The following TAS2R1 variants were observed in gnomAD, a reference collection of about 807,000 sequenced individuals.
TAS2R1 encodes the protein taste 2 receptor member 1.
For missense variants in TAS2R1, 370 were observed against 353.4 expected (o/e 1.05, Z -0.38); for synonymous variants, 141 against 134.2 (o/e 1.05, Z -0.35).
chr5:9,652,004 T>C (rs1740315580), intron 2 of TAS2R1, among the ~76,000 whole-genome samples: 1 of 152,176 alleles, frequency 6.6e-6, no homozygotes, highest in Admixed American at 6.5e-5. Flanking sequence ...TCTGCATGAG[T>C]GTCAGAAGGA....
chr5:9,641,466 T>C (rs1054307340), intron 2 of TAS2R1: 1 of 152,206 alleles, frequency 6.6e-6, no homozygotes, highest in East Asian at 1.9e-4. Flanking sequence ...CTGCCAAAGA[T>C]TCACCGTTCC....
upstream of TAS2R1, among the ~76,000 whole-genome samples, chr5:9,717,039 C>T (rs995589973): frequency 2.0e-5 from 3 of 152,118 alleles, no homozygotes; most frequent in Non-Finnish European, 4.4e-5. Flanking sequence ...TGCTAAGAGC[C>T]TGTGGATGCA....
the TAS2R1 span, among the ~76,000 whole-genome samples, chr5:9,880,026 C>T: frequency 6.6e-6 from 1 of 152,140 alleles, no homozygotes; most frequent in African/African-American, 2.4e-5. Flanking sequence ...TTACAAGCCC[C>T]TGAAGAAGCC....
chr5:9,678,213 A>G (rs1004103315), intron 1 of TAS2R1, among the ~76,000 whole-genome samples: 5 of 152,216 alleles, frequency 3.3e-5, no homozygotes, highest in Non-Finnish European at 7.3e-5. Flanking sequence ...AGAGAATGCA[A>G]ATCAAAACCA....
At chr5:9,822,227 G>A in the TAS2R1 span, among the ~76,000 whole-genome samples, 1 of 151,974 alleles carries the variant, frequency 6.6e-6, no homozygotes, top group Admixed American at 6.6e-5. Flanking sequence ...ATTATCAGAT[G>A]TCACTGTTCT....
chr5:9,683,648 C>A (rs1741070883), intron 1 of TAS2R1, among the ~76,000 whole-genome samples: 1 of 152,226 alleles, frequency 6.6e-6, no homozygotes, highest in African/African-American at 2.4e-5. Flanking sequence ...TTGATCACAG[C>A]AGACTTCTCC....
At position 9,706,747 on chromosome 5, in the gene TAS2R1, C is replaced by T. The variant is rs74762745; in HGVS notation, c.-242+5425G>A. Among the ~76,000 whole-genome samples the T allele has an allele frequency of 1.6e-4, 25 of 152,094 alleles. No individual in the cohort carries two copies. In the East Asian group the frequency reaches 4.3e-3, roughly 26 times the overall value. On this transcript the variant is annotated intron_variant, in intron 1 of 2. Transcript: ENST00000506620. Reference sequence around the variant, plus strand: ...TGCTCAGAACTCATCCCATGCTACCCGACGGAGAGCAGAGAGGAAGGCTTG... The same window carrying T: ...TGCTCAGAACTCATCCCATGCTACCTGACGGAGAGCAGAGAGGAAGGCTTG...
intron 1 of TAS2R1, among the ~76,000 whole-genome samples, chr5:9,708,621 T>A (rs1230753378): frequency 6.6e-6 from 1 of 151,928 alleles, no homozygotes; most frequent in Non-Finnish European, 1.5e-5. Context: ...TTTTCAGTCC[T>A]CATGACTGCT....
the TAS2R1 span, among the ~76,000 whole-genome samples, chr5:9,781,402 G>T: frequency 6.6e-6 from 1 of 152,190 alleles, no homozygotes; most frequent in Non-Finnish European, 1.5e-5. Context: ...CACCTGGACT[G>T]CTGCAATGGC....
At chr5:9,686,291 C>A (rs1481895004) in intron 1 of TAS2R1, among the ~76,000 whole-genome samples, 3 of 152,204 alleles carry the variant, frequency 2.0e-5, no homozygotes, top group African/African-American at 7.2e-5. Context: ...ATGTCACCAA[C>A]AAGACAAAGC....
At chr5:9,820,302 A>G in the TAS2R1 span, among the ~76,000 whole-genome samples, 3 of 152,178 alleles carry the variant, frequency 2.0e-5, no homozygotes, top group African/African-American at 7.2e-5. Context: ...ATTGTAGGAC[A>G]AGAAGAAACC....
the TAS2R1 span, among the ~76,000 whole-genome samples, chr5:9,772,529 T>C: frequency 6.6e-6 from 1 of 152,104 alleles, no homozygotes; most frequent in Non-Finnish European, 1.5e-5. Flanking sequence ...ATTTGGTCTA[T>C]AGTGTAGATT....
At chr5:9,722,265 G>C in the TAS2R1 span, among the ~76,000 whole-genome samples, 1 of 152,194 alleles carries the variant, frequency 6.6e-6, no homozygotes, top group African/African-American at 2.4e-5. Context: ...GAAAGACTCA[G>C]AGCTTCTGCA....
intron 1 of TAS2R1, among the ~76,000 whole-genome samples, chr5:9,687,863 C>A (rs1561379099): frequency 1.3e-5 from 2 of 152,214 alleles, no homozygotes; most frequent in East Asian, 3.9e-4. Flanking sequence ...AGCCTCCATT[C>A]TTTCTGTAAC....
chr5:9,806,242 GA>G, the TAS2R1 span, among the ~76,000 whole-genome samples: 1 of 152,064 alleles, frequency 6.6e-6, no homozygotes, highest in Non-Finnish European at 1.5e-5. Flanking sequence ...ACTGCTGAAA[GA>G]AATCGTAGAT....
At chr5:9,856,533 T>C in the TAS2R1 span, among the ~76,000 whole-genome samples, 2 of 152,280 alleles carry the variant, frequency 1.3e-5, no homozygotes, top group East Asian at 1.9e-4. Flanking sequence ...TACCAAATTA[T>C]AGACATTAGC....
At chr5:9,880,232 T>G in the TAS2R1 span, among the ~76,000 whole-genome samples, 1 of 152,242 alleles carries the variant, frequency 6.6e-6, no homozygotes, top group Non-Finnish European at 1.5e-5. Context: ...TAATCTTCTA[T>G]TGTTATGCTG....
intron 2 of TAS2R1, among the ~76,000 whole-genome samples, chr5:9,637,970 G>A (rs1334561460): frequency 6.6e-6 from 1 of 152,182 alleles, no homozygotes; most frequent in Non-Finnish European, 1.5e-5. Flanking sequence ...GGGAGCCGGT[G>A]TGTGTGATGT....
chr5:9,765,240 A>C, the TAS2R1 span, among the ~76,000 whole-genome samples: 4 of 152,292 alleles, frequency 2.6e-5, no homozygotes, highest in East Asian at 7.7e-4. Flanking sequence ...TAAAAAAATC[A>C]AGTACTCATT....
Sources: allele counts gnomAD v4.1 joint callset (sites outside exome capture counted in the v4.1 genomes callset), GRCh38; gene constraint gnomAD v4.1.1; transcripts MANE v1.5; gene names NCBI Gene and HGNC (gene_info 2026-07-23, HGNC 2026-07-21).